ZZEF1: variants seen among roughly 807,000 people sequenced by gnomAD.
ZZEF1 encodes the protein zinc finger ZZ-type and EF-hand domain containing 1.
ZZEF1 carries 157 observed loss-of-function variants against 342.8 expected under a neutral mutation model. The observed-to-expected ratio is 0.46, with a 90% confidence interval of 0.40 to 0.52. The LOEUF is 0.52. Among genes scored for constraint, ZZEF1 ranks in the 20% least tolerant of loss-of-function variants. The pLI is 0.00. For synonymous variants in ZZEF1, 1,505 were observed against 1,429.1 expected (o/e 1.05, Z -1.20); for missense variants, 3,480 against 3,725.6 (o/e 0.93, Z 1.72).
chr17:4,056,465 G>T, intron 32 of ZZEF1, 120 bp from the exon 33 acceptor site: 1 of 1,076,880 alleles, frequency 9.3e-7, no homozygotes, highest in Non-Finnish European at 1.2e-6. Context: ...TTCTGAGAGG[G>T]AAAGGTCAAC....
In ZZEF1 at chr17:4,070,827, A is replaced by G. The variant is rs2057493629; in HGVS notation, c.3932T>C (p.Phe1311Ser). The G allele has an allele frequency of 3.1e-6, 5 of 1,614,046 alleles. No homozygotes were observed. Among genetic ancestry groups the G allele is most frequent in the Non-Finnish European group, 3.4e-6 (4 of 1,180,048 alleles). ...QNFCGPYSEL[F>S]KGFIQACRKQ... ...TCTACATGCCTGTATGAATCCTTTG[A>G]AAAGTTCTGAATATGGCCCACAGAA... Residue 1311 changes from phenylalanine (F) to serine (S), a missense_variant, in exon 26 of 55, where the codon TTC becomes TCC. This residue lies in a region of ZZEF1 where 1,528 missense variants were observed against 1,624.1 expected (regional missense o/e 0.94). Coordinates refer to ENST00000381638, the MANE Select transcript of ZZEF1 (RefSeq NM_015113.4).
At chr17:4,112,935 A>C (rs1597910426) in intron 4 of ZZEF1, 127 bp from the exon 5 acceptor site, 2 of 771,934 alleles carry the variant, frequency 2.6e-6, no homozygotes, top group Non-Finnish European at 1.9e-6. Flanking sequence ...ACAGCAACTA[A>C]CTTGAAATGC....
rs143374943 is a variant in ZZEF1 at position 4,131,640 on chromosome 17, C to T, written c.355-7589G>A. ...CAAAAATATACAAAAATTTGCCAGG[C>T]GTGGTGGTATGCACCTGTAATCCCA... is the stretch of plus-strand genomic sequence containing the variant. On this transcript the variant is annotated intron_variant, in intron 1 of 54. Coordinates refer to ENST00000381638, the MANE Select transcript of ZZEF1 (RefSeq NM_015113.4). 3.9e-5 allele frequency among the ~76,000 whole-genome samples: 6 copies of T among 151,928 alleles called. No homozygotes were observed. In the South Asian group the frequency reaches 1.0e-3, roughly 26 times the overall value.
chr17:4,009,681 C>A lies in ZZEF1; in HGVS notation c.8656G>T (p.Val2886Leu). 6.2e-7 allele frequency: 1 copy of A among 1,614,104 alleles called. No individual in the cohort carries two copies. Among genetic ancestry groups the A allele is most frequent in the Non-Finnish European group, 8.5e-7 (1 of 1,180,044 alleles). The part of the protein sequence containing the change: ...THMEYGLFED[V>L]TQPGILLPLH... ...GGAAGGAGGATGCCGGGCTGCGTCACGTCCTCAAACAGGCCGTACTCCATG... is the reference window on the plus strand; with the variant it reads ...GGAAGGAGGATGCCGGGCTGCGTCAAGTCCTCAAACAGGCCGTACTCCATG... The change falls in exon 53 of 55, where the codon GTG (valine) becomes TTG (leucine). Residue 2886 changes from valine (V) to leucine (L), a missense_variant. Physicochemically the swap from Val to Leu is conservative, Grantham distance 32. Transcript: ENST00000381638.
At chr17:4,033,847 T>G in intron 40 of ZZEF1, 168 bp downstream of exon 40, 1 of 859,720 alleles carries the variant, frequency 1.2e-6, no homozygotes, top group South Asian at 1.7e-5. Flanking sequence ...ACAGTTTTAA[T>G]GTGGGTTGAC....
At chr17:4,103,744 C>A (rs1414600105) in intron 8 of ZZEF1, among the ~76,000 whole-genome samples, 1 of 151,808 alleles carries the variant, frequency 6.6e-6, no homozygotes, top group Non-Finnish European at 1.5e-5. Flanking sequence ...ATAGTGAGAC[C>A]CAATCTCTAC....
chr17:4,060,349 G>C (rs2057257467), intron 30 of ZZEF1, among the ~76,000 whole-genome samples: 1 of 152,166 alleles, frequency 6.6e-6, no homozygotes, highest in Non-Finnish European at 1.5e-5. Context: ...CGGATCAATT[G>C]AGGTCAGGAG....
At position 4,142,909 on chromosome 17, in the gene ZZEF1, T is replaced by G. The variant is rs973712358; in HGVS notation, c.-14A>C. On this transcript the variant is annotated 5_prime_UTR_variant, in exon 1 of 55. Coordinates refer to ENST00000381638, the MANE Select transcript of ZZEF1 (RefSeq NM_015113.4). ...AGCGTTCCCCATGGGGTCTCCGTCT[T>G]GGGCGCCTGGCTCTGCAGCCGCCGC... 4 of 1,316,660 alleles carry G rather than the reference T, an allele frequency of 3.0e-6. No individual in the cohort carries two copies. The highest frequency in any genetic ancestry group is 3.9e-6 in the Non-Finnish European group (4 of 1,037,698). 81.6% of individuals were successfully genotyped at this position (1,316,660 alleles called of 1,614,324 possible).
At chr17:4,085,295 T>C (rs1365844652) in intron 16 of ZZEF1, among the ~76,000 whole-genome samples, 2 of 152,118 alleles carry the variant, frequency 1.3e-5, no homozygotes, top group Non-Finnish European at 2.9e-5. Flanking sequence ...TGAAGCTAGG[T>C]GACAGGTACA....
intron 16 of ZZEF1, among the ~76,000 whole-genome samples, chr17:4,084,799 A>G (rs2057788581): frequency 2.0e-5 from 3 of 152,216 alleles, no homozygotes; most frequent in South Asian, 4.1e-4. Context: ...GAGAGTGACA[A>G]GAACCATTTA....
chr17:4,006,579 C>A lies in ZZEF1; in HGVS notation c.*311G>T. 2.5e-6 allele frequency: 1 copy of A among 397,542 alleles called. No individual in the cohort carries two copies. Among genetic ancestry groups the A allele is most frequent in the South Asian group, 2.4e-5 (1 of 42,174 alleles). The allele number at this position is 397,542 out of a possible 1,614,324, so 24.6% of individuals were successfully genotyped here. On this transcript the variant is annotated 3_prime_UTR_variant, in exon 55 of 55. Transcript: ENST00000381638. ...TGAGAGAGGCCGCTTCCAAGTCTTC[C>A]CAGGCCCACGGCTCCTGCAGTGACA...
At chr17:4,111,052 G>A (rs1051454687) in intron 5 of ZZEF1, among the ~76,000 whole-genome samples, 9 of 152,032 alleles carry the variant, frequency 5.9e-5, no homozygotes, top group Admixed American at 2.6e-4. Context: ...AAGGATATTC[G>A]TGAATATAAC....
intron 46 of ZZEF1, among the ~76,000 whole-genome samples, chr17:4,018,324 C>T (rs558040089): frequency 3.9e-5 from 6 of 152,032 alleles, no homozygotes; most frequent in Middle Eastern, 3.4e-3. Flanking sequence ...TTGCCCGGGC[C>T]GGCCTGGAAC....
chr17:4,030,480 T>C (rs1482641264), intron 42 of ZZEF1, among the ~76,000 whole-genome samples: 1 of 152,218 alleles, frequency 6.6e-6, no homozygotes, highest in African/African-American at 2.4e-5. Context: ...GGTTAAGGTA[T>C]TGTCCCAAAT....
chr17:4,083,087 T>A (rs1213668480), intron 16 of ZZEF1, among the ~76,000 whole-genome samples: 1 of 152,144 alleles, frequency 6.6e-6, no homozygotes, highest in Non-Finnish European at 1.5e-5. Context: ...ATAATATACT[T>A]TTTGCCATTG....
At chr17:4,108,947 G>A (rs115174431) in intron 6 of ZZEF1, among the ~76,000 whole-genome samples, 4,492 of 152,160 alleles carry the variant, frequency 0.03, 150 homozygotes, top group African/African-American at 0.087. Context: ...TACTCTCACC[G>A]CCTACACTAT....
chr17:4,017,875 G>A lies in ZZEF1; in HGVS notation c.7602C>T (p.Ala2534=), dbSNP rs1243852457. The A allele has an allele frequency of 6.2e-7, 1 of 1,614,042 alleles. No individual in the cohort carries two copies. The highest frequency in any genetic ancestry group is 2.2e-5 in the East Asian group (1 of 44,900). The change falls in exon 47 of 55, where the codon GCC becomes GCT. Residue 2534 remains alanine (A), a synonymous_variant. Coordinates refer to ENST00000381638, the MANE Select transcript of ZZEF1 (RefSeq NM_015113.4). The surrounding 1 kb of genome is among the most constrained non-coding windows in gnomAD (Gnocchi z 5.1). ...SKSLRLEEQS[A]KAVDTDMIIL... is the part of the protein sequence containing the mutation. ...TAATCATGTCTGTATCCACAGCTTT[G>A]GCGCTCTGTTCTTCCAGCCTCAGAC...
At chr17:4,064,910 G>C (rs1221171251) in intron 28 of ZZEF1, 81 bp from the exon 29 acceptor site, 7 of 1,035,352 alleles carry the variant, frequency 6.8e-6, no homozygotes, top group Non-Finnish European at 9.7e-6. Flanking sequence ...GATAGCATTA[G>C]AGGATATACC....
chr17:4,105,874 C>T (rs867721228), intron 6 of ZZEF1, 65 bp from the exon 7 acceptor site: 1 of 1,319,260 alleles, frequency 7.6e-7, no homozygotes, highest in Non-Finnish European at 1.1e-6. Flanking sequence ...AAAAAATAAA[C>T]TGTTAGAAGC....
Sources: gnomAD v4.1 joint callset for allele counts (sites outside exome capture counted in the v4.1 genomes callset) on GRCh38, gnomAD v4.1.1 for gene constraint, gnomAD v4.1.1 regional missense constraint, Gnocchi (gnomAD v3.1) non-coding constraint, MANE v1.5 for transcripts, NCBI Gene and HGNC (gene_info 2026-07-23, HGNC 2026-07-21) for gene names.